SLC44A5: variants seen among roughly 807,000 people sequenced by gnomAD.
The protein encoded by SLC44A5 is solute carrier family 44 member 5.
SLC44A5 carries 57 observed loss-of-function variants against 101.8 expected under a neutral mutation model. That is an observed-to-expected ratio of 0.56 (90% CI 0.45 to 0.70). SLC44A5 has a LOEUF of 0.70. Among genes scored for constraint, SLC44A5 ranks in the 30% least tolerant of loss-of-function variants. The probability of loss-of-function intolerance (pLI) is 0.00; values close to 1 mark genes in which losing one functional copy is unlikely to be tolerated. For synonymous variants in SLC44A5, 281 were observed against 290.9 expected (o/e 0.97, Z 0.35); for missense variants, 737 against 853.1 (o/e 0.86, Z 1.70).
At chr1:75,572,306 G>T (rs79918391) in intron 1 of SLC44A5, among the ~76,000 whole-genome samples, 7,179 of 152,116 alleles carry the variant, frequency 0.047, 196 homozygotes, top group East Asian at 0.1. Context: ...GTCTTCAGAG[G>T]AAAAAAGGAA....
the SLC44A5 span, among the ~76,000 whole-genome samples, chr1:75,676,218 A>C: frequency 6.6e-6 from 1 of 152,172 alleles, no homozygotes; most frequent in Non-Finnish European, 1.5e-5. Context: ...AGGAACAGAA[A>C]TTTTTCTATT....
the SLC44A5 span, among the ~76,000 whole-genome samples, chr1:75,681,175 C>T: frequency 6.6e-6 from 1 of 152,062 alleles, no homozygotes; most frequent in Admixed American, 6.6e-5. Context: ...CCGAATTCTA[C>T]CAGAGGTACA....
intron 3 of SLC44A5, among the ~76,000 whole-genome samples, chr1:75,385,570 C>T (rs1661261978): frequency 6.6e-6 from 1 of 152,156 alleles, no homozygotes. Flanking sequence ...TAATCAATAG[C>T]TTACCGACCA....
the SLC44A5 span, among the ~76,000 whole-genome samples, chr1:75,715,085 A>G: frequency 5.3e-5 from 8 of 152,338 alleles, no homozygotes; most frequent in Admixed American, 3.9e-4. Context: ...AAATATAGCT[A>G]ACCAGGGAGG....
Position 75,213,930 on chromosome 1 carries a change from G to T in SLC44A5, c.1862C>A (p.Ala621Asp). ...FVLFLGKLLV[A>D]GSIGVLAFLF... is the part of the protein sequence containing the mutation. ...TCATGATTACTTACCTATACTTCCA[G>T]CAACTAGAAGTTTCCCCAGGAATAA... Residue 621 changes from alanine to aspartate, a missense_variant, in exon 21 of 24, where the codon GCT becomes GAT. By Grantham distance (126) the Ala-to-Asp change is moderately radical. Coordinates refer to ENST00000370859, the MANE Select transcript of SLC44A5 (RefSeq NM_001130058.2). The T allele has an allele frequency of 6.3e-7, 1 of 1,589,504 alleles. No individual in the cohort carries two copies. Among genetic ancestry groups the T allele is most frequent in the African/African-American group, 1.4e-5 (1 of 73,584 alleles).
the SLC44A5 span, among the ~76,000 whole-genome samples, chr1:75,686,984 T>C: frequency 6.6e-6 from 1 of 152,222 alleles, no homozygotes; most frequent in Non-Finnish European, 1.5e-5. Flanking sequence ...CTAATGCTTT[T>C]TGACACAAGA....
rs1666081497 is a variant in SLC44A5, at chr1:75,454,526, T to A, written c.14-57905A>T. Among the ~76,000 whole-genome samples, 3 of 151,966 alleles carry A rather than the reference T, an allele frequency of 2.0e-5. No homozygotes were observed. The South Asian group carries it at 6.2e-4, about 31-fold the overall frequency. ...CCACTTTTACCACTCCTAGTCAAAA[T>A]AGAACTAGAAGTGCTAGCCAGAGCA... is the stretch of plus-strand genomic sequence containing the variant. On this transcript the variant is annotated intron_variant, in intron 2 of 23. Transcript: ENST00000370859.
chr1:75,596,581 G>A (rs1674649108), intron 1 of SLC44A5, among the ~76,000 whole-genome samples: 1 of 151,942 alleles, frequency 6.6e-6, no homozygotes. Context: ...CAGATCCAAC[G>A]CACATCAAAA....
intron 2 of SLC44A5, among the ~76,000 whole-genome samples, chr1:75,454,916 T>C (rs1279926445): frequency 6.6e-6 from 1 of 152,010 alleles, no homozygotes; most frequent in East Asian, 1.9e-4. Flanking sequence ...TGCTCATGGA[T>C]TGAAAGAATA....
the SLC44A5 span, among the ~76,000 whole-genome samples, chr1:75,667,340 G>T: frequency 5.9e-5 from 9 of 152,050 alleles, no homozygotes; most frequent in Non-Finnish European, 1.0e-4. Flanking sequence ...GCTACTAAGA[G>T]AATAAAATAC....
intron 3 of SLC44A5, among the ~76,000 whole-genome samples, chr1:75,343,618 A>G (rs1436585105): frequency 6.6e-6 from 1 of 152,148 alleles, no homozygotes; most frequent in Admixed American, 6.6e-5. Context: ...GCAAAAAAGG[A>G]ACTCAGGTGG....
intron 3 of SLC44A5, among the ~76,000 whole-genome samples, chr1:75,394,594 A>T (rs1662007813): frequency 6.6e-6 from 1 of 152,098 alleles, no homozygotes; most frequent in Non-Finnish European, 1.5e-5. Context: ...ACAGAAGAGG[A>T]AGTGAAACGA....
At chr1:75,222,042 C>T (rs1164095162) in intron 14 of SLC44A5, among the ~76,000 whole-genome samples, 1 of 151,222 alleles carries the variant, frequency 6.6e-6, no homozygotes, top group Non-Finnish European at 1.5e-5. Context: ...TCACCGCAAC[C>T]TCTGCCTTCC....
chr1:75,689,380 C>A, the SLC44A5 span, among the ~76,000 whole-genome samples: 2 of 152,226 alleles, frequency 1.3e-5, no homozygotes, highest in South Asian at 4.2e-4. Context: ...CCTAGGAAAC[C>A]AGATCTTGTC....
the SLC44A5 span, among the ~76,000 whole-genome samples, chr1:75,713,647 C>A: frequency 6.6e-6 from 1 of 152,176 alleles, no homozygotes; most frequent in East Asian, 1.9e-4. Flanking sequence ...TTTCTGAGAA[C>A]ACCTGTAAGA....
intron 3 of SLC44A5, among the ~76,000 whole-genome samples, chr1:75,360,047 C>T (rs1433060737): frequency 2.6e-5 from 4 of 152,074 alleles, no homozygotes; most frequent in African/African-American, 9.7e-5. Context: ...GTTTGAGCCT[C>T]TTATGTATTT....
the SLC44A5 span, among the ~76,000 whole-genome samples, chr1:75,700,092 A>G: frequency 6.6e-6 from 1 of 152,298 alleles, no homozygotes; most frequent in South Asian, 2.1e-4. Flanking sequence ...CATTAGACAG[A>G]TCAATGAGAC....
intron 2 of SLC44A5, among the ~76,000 whole-genome samples, chr1:75,529,665 A>T (rs796486753): frequency 4.6e-5 from 7 of 152,306 alleles, no homozygotes; most frequent in African/African-American, 1.7e-4. Context: ...GAAAAATTGC[A>T]TCTCTTTGGA....
intron 3 of SLC44A5, chr1:75,354,073 T>C: frequency 3.5e-6 from 1 of 288,780 alleles, no homozygotes; most frequent in East Asian, 1.0e-4. Flanking sequence ...AAATATAAGT[T>C]AGCAGAGGGA....
Sources: gnomAD v4.1 joint callset for allele counts (sites outside exome capture counted in the v4.1 genomes callset) on GRCh38, gnomAD v4.1.1 for gene constraint, MANE v1.5 for transcripts, NCBI Gene and HGNC (gene_info 2026-07-23, HGNC 2026-07-21) for gene names.